MAP7: variants seen among roughly 807,000 people sequenced by gnomAD.
MAP7 encodes ensconsin.
In MAP7, 52 loss-of-function variants were observed where a neutral mutation model predicts 94.8. That is an observed-to-expected ratio of 0.55 (90% CI 0.44 to 0.69). The LOEUF is 0.69. Ranked by LOEUF, MAP7 falls within the 30% of genes least tolerant of loss-of-function variation. MAP7 has a pLI of 0.00. For synonymous variants in MAP7, 350 were observed against 357.0 expected, an observed-to-expected ratio of 0.98 and a Z score of 0.22; for missense variants, 940 against 964.6, an observed-to-expected ratio of 0.97 and a Z score of 0.34.
chr6:136,357,191 C>A (rs1385656202), intron 15 of MAP7, among the ~76,000 whole-genome samples: 1 of 152,132 alleles, frequency 6.6e-6, no homozygotes, highest in Non-Finnish European at 1.5e-5. Context: ...GAGCAAATCA[C>A]CAAGGAACAC....
At chr6:136,446,141 A>G (rs1799249983) in intron 1 of MAP7, among the ~76,000 whole-genome samples, 1 of 152,140 alleles carries the variant, frequency 6.6e-6, no homozygotes, top group African/African-American at 2.4e-5. Context: ...TACAAAGGAT[A>G]CTGATGATCA....
intron 1 of MAP7, among the ~76,000 whole-genome samples, chr6:136,454,317 A>G (rs1802140061): frequency 6.6e-6 from 1 of 150,676 alleles, no homozygotes; most frequent in Non-Finnish European, 1.5e-5. Context: ...CTATCTATCT[A>G]TCTATCTGAG....
At chr6:136,515,064 C>T (rs2129038239) in intron 1 of MAP7, among the ~76,000 whole-genome samples, 1 of 152,366 alleles carries the variant, frequency 6.6e-6, no homozygotes, top group African/African-American at 2.4e-5. Flanking sequence ...ATTACCTTAG[C>T]AAGATCTGGA....
intron 11 of MAP7, among the ~76,000 whole-genome samples, chr6:136,361,664 C>T (rs1171030958): frequency 6.6e-6 from 1 of 152,174 alleles, no homozygotes. Flanking sequence ...AGATCCTTCC[C>T]CAGGGTACAG....
intron 1 of MAP7, among the ~76,000 whole-genome samples, chr6:136,443,678 G>A (rs368557673): frequency 3.9e-5 from 6 of 152,046 alleles, no homozygotes; most frequent in East Asian, 1.9e-4. Context: ...TCAAACTCCT[G>A]ACCTCAAGTG....
chr6:136,453,109 TTC>T (rs1230893653), intron 1 of MAP7, among the ~76,000 whole-genome samples: 1 of 152,228 alleles, frequency 6.6e-6, no homozygotes, highest in African/African-American at 2.4e-5. Flanking sequence ...GTTAATAAAC[TTC>T]TGTTAGTTTT....
In MAP7 at chr6:136,430,948, T is replaced by A. The variant is rs1794718309; in HGVS notation, c.68-9149A>T. On this transcript the variant is annotated intron_variant, in intron 1 of 17. Coordinates refer to ENST00000354570, the MANE Select transcript of MAP7 (RefSeq NM_003980.6). ...CCATCAACATCCCACACCAGAGTGG[T>A]CCACCGGTTACCACTGATGGGCTGA... Among the ~76,000 whole-genome samples, 3 of 152,148 alleles carry A rather than the reference T, an allele frequency of 2.0e-5. No homozygotes were observed. The South Asian group carries it at 6.2e-4, about 32-fold the overall frequency.
chr6:136,370,872 G>A (rs2128601033), intron 8 of MAP7, among the ~76,000 whole-genome samples: 1 of 151,166 alleles, frequency 6.6e-6, no homozygotes, highest in East Asian at 2.0e-4. Flanking sequence ...CTGAACTTTA[G>A]AATGATTAAA....
chr6:136,453,798 C>T (rs1801904483), intron 1 of MAP7, among the ~76,000 whole-genome samples: 1 of 152,064 alleles, frequency 6.6e-6, no homozygotes, highest in South Asian at 2.1e-4. Flanking sequence ...ATAACATGAA[C>T]TTTTATTTAA....
At chr6:136,497,064 T>G (rs2129002030) in intron 1 of MAP7, among the ~76,000 whole-genome samples, 1 of 151,632 alleles carries the variant, frequency 6.6e-6, no homozygotes, top group East Asian at 1.9e-4. Flanking sequence ...TGGGCCAGAG[T>G]TTCAACCTGA....
At chr6:136,456,538 G>A (rs1216285583) in intron 1 of MAP7, among the ~76,000 whole-genome samples, 4 of 151,702 alleles carry the variant, frequency 2.6e-5, no homozygotes, top group African/African-American at 9.7e-5. Context: ...TAGGTGTGGT[G>A]GCATGCACCT....
At chr6:136,485,866 C>G (rs1454057068) in intron 1 of MAP7, among the ~76,000 whole-genome samples, 2 of 152,166 alleles carry the variant, frequency 1.3e-5, no homozygotes, top group Non-Finnish European at 2.9e-5. Flanking sequence ...CCGGCCACTT[C>G]AGATTTTTTA....
intron 1 of MAP7, among the ~76,000 whole-genome samples, chr6:136,469,638 G>A (rs746190459): frequency 3.9e-5 from 6 of 152,006 alleles, no homozygotes; most frequent in Admixed American, 1.3e-4. Context: ...CTCCCGTGTC[G>A]GCCTCCCAAA....
intron 1 of MAP7, among the ~76,000 whole-genome samples, chr6:136,489,690 G>A (rs1248763787): frequency 6.6e-6 from 1 of 151,880 alleles, no homozygotes; most frequent in Non-Finnish European, 1.5e-5. Flanking sequence ...ACCACATCCA[G>A]CTAATTTTTA....
intron 1 of MAP7, among the ~76,000 whole-genome samples, chr6:136,456,688 A>AAAG (rs1802967902): frequency 3.4e-5 from 5 of 148,054 alleles, no homozygotes; most frequent in Non-Finnish European, 5.9e-5. Context: ...AAGAAAGAAG[A>AAAG]AAGAAGAAAG....
chr6:136,423,790 T>TG (rs78535496), intron 1 of MAP7, among the ~76,000 whole-genome samples: 4,469 of 148,004 alleles, frequency 0.03, 197 homozygotes, highest in East Asian at 0.14. Context: ...GTGTTTTTTT[T>TG]TTTTGTTTTT....
At chr6:136,419,726 G>T in intron 2 of MAP7, 1 of 191,982 alleles carries the variant, frequency 5.2e-6, no homozygotes, top group East Asian at 1.3e-4. Context: ...ATTTGCCTGC[G>T]CACCACTGCC....
At chr6:136,434,941 A>G (rs1402909805) in intron 1 of MAP7, among the ~76,000 whole-genome samples, 1 of 152,200 alleles carries the variant, frequency 6.6e-6, no homozygotes, top group Admixed American at 6.5e-5. Context: ...TCCAGTAAGT[A>G]TTTTCATTTA....
At chr6:136,400,112 T>C (rs929701267) in intron 3 of MAP7, among the ~76,000 whole-genome samples, 4 of 152,132 alleles carry the variant, frequency 2.6e-5, no homozygotes, top group Non-Finnish European at 5.9e-5. Context: ...TTTTTTTTTC[T>C]TTTTTAAAAA....
Sources: allele counts gnomAD v4.1 joint callset (sites outside exome capture counted in the v4.1 genomes callset), GRCh38; gene constraint gnomAD v4.1.1; transcripts MANE v1.5; gene names NCBI Gene and HGNC (gene_info 2026-07-23, HGNC 2026-07-21).